EXOC6B: variants seen among roughly 807,000 people sequenced by gnomAD.
EXOC6B encodes SEC15 homolog B.
EXOC6B carries 54 observed loss-of-function variants against 113.5 expected under a neutral mutation model. That is an observed-to-expected ratio of 0.48 (90% CI 0.38 to 0.60). The LOEUF is 0.60. Among genes scored for constraint, EXOC6B ranks in the 20% least tolerant of loss-of-function variants. The probability of loss-of-function intolerance (pLI) is 0.00; values close to 1 mark genes in which losing one functional copy is unlikely to be tolerated. For missense variants in EXOC6B, 797 were observed against 977.5 expected (o/e 0.82, Z 2.46); for synonymous variants, 357 against 339.0 (o/e 1.05, Z -0.58).
chr2:72,752,874 C>T (rs1396352165), intron 1 of EXOC6B, among the ~76,000 whole-genome samples: 1 of 152,068 alleles, frequency 6.6e-6, no homozygotes, highest in Non-Finnish European at 1.5e-5. Flanking sequence ...TTCTATTACA[C>T]TCCTTCTTGG....
chr2:72,187,303 C>T (rs191379580), intron 20 of EXOC6B, among the ~76,000 whole-genome samples: 1 of 152,142 alleles, frequency 6.6e-6, no homozygotes, highest in East Asian at 2.0e-4. Flanking sequence ...CTCTCCTTCT[C>T]TTCACCCATA....
chr2:72,352,248 C>A (rs1254245453), intron 19 of EXOC6B, among the ~76,000 whole-genome samples: 2 of 152,098 alleles, frequency 1.3e-5, no homozygotes, highest in Admixed American at 1.3e-4. Context: ...CCACTAGTGA[C>A]CCTACCATAC....
At chr2:72,517,948 A>G (rs1327413941) in intron 8 of EXOC6B, among the ~76,000 whole-genome samples, 2 of 152,182 alleles carry the variant, frequency 1.3e-5, no homozygotes, top group Non-Finnish European at 2.9e-5. Context: ...CAATTTATCT[A>G]ATAGGTCTGG....
chr2:72,507,818 C>A (rs1012893536), intron 11 of EXOC6B, among the ~76,000 whole-genome samples: 4 of 151,928 alleles, frequency 2.6e-5, no homozygotes, highest in Non-Finnish European at 5.9e-5. Context: ...AATCAGCACA[C>A]TTGAAAAGTG....
At chr2:72,299,178 C>A (rs569060461) in intron 20 of EXOC6B, among the ~76,000 whole-genome samples, 1 of 151,778 alleles carries the variant, frequency 6.6e-6, no homozygotes, top group African/African-American at 2.4e-5. Context: ...AGGCTTTGTT[C>A]ATTTCTTTTC....
intron 11 of EXOC6B, among the ~76,000 whole-genome samples, chr2:72,501,558 C>T (rs980606328): frequency 4.6e-5 from 7 of 151,966 alleles, no homozygotes; most frequent in East Asian, 1.9e-4. Context: ...CTGACATTTA[C>T]GAACCTAGTA....
At chr2:72,244,930 C>G (rs1682556322) in intron 20 of EXOC6B, among the ~76,000 whole-genome samples, 1 of 151,980 alleles carries the variant, frequency 6.6e-6, no homozygotes, top group Non-Finnish European at 1.5e-5. Flanking sequence ...TATAAATTAA[C>G]AAAACGTACA....
intron 18 of EXOC6B, among the ~76,000 whole-genome samples, chr2:72,390,009 T>A (rs1692270894): frequency 6.6e-6 from 1 of 152,048 alleles, no homozygotes. Context: ...TGCTTGAACC[T>A]GGGAGGTGGA....
chr2:72,410,802 C>G (rs546266779), intron 18 of EXOC6B, among the ~76,000 whole-genome samples: 2 of 152,024 alleles, frequency 1.3e-5, no homozygotes, highest in Admixed American at 6.6e-5. Flanking sequence ...TTTATACCTA[C>G]TTTATACACA....
At chr2:72,760,998 G>A (rs895117482) in intron 1 of EXOC6B, among the ~76,000 whole-genome samples, 2 of 152,036 alleles carry the variant, frequency 1.3e-5, no homozygotes, top group Admixed American at 6.6e-5. Flanking sequence ...TGGCCAACAC[G>A]GCGAAACCCC....
chr2:72,244,787 C>A (rs780795756), intron 20 of EXOC6B, among the ~76,000 whole-genome samples: 1 of 151,862 alleles, frequency 6.6e-6, no homozygotes, highest in African/African-American at 2.4e-5. Flanking sequence ...GCAACTATAG[C>A]GAGGGTGCAG....
At chr2:72,657,567 C>CTTTTTTTTTTTTTTTTTTTTT (rs70963136) in intron 6 of EXOC6B, among the ~76,000 whole-genome samples, 1 of 50,378 alleles carries the variant, frequency 2.0e-5, no homozygotes, top group Non-Finnish European at 3.2e-5. Context: ...CTTTCCTTTT[C>CTTTTTTTTTTTTTTTTTTTTT]TTTTTTTTTT....
chr2:72,747,449 C>CA (rs1056455431), intron 1 of EXOC6B, among the ~76,000 whole-genome samples: 4 of 151,824 alleles, frequency 2.6e-5, no homozygotes, highest in Non-Finnish European at 5.9e-5. Context: ...AGATATTGCC[C>CA]AAAAAATCTT....
chr2:72,823,342 TAAC>T (rs1686684465), intron 1 of EXOC6B, among the ~76,000 whole-genome samples: 1 of 148,758 alleles, frequency 6.7e-6, no homozygotes, highest in Non-Finnish European at 1.5e-5. Flanking sequence ...AAAAACTCAG[TAAC>T]AACAATGAAA....
rs1573746268 is a variant in EXOC6B, at chr2:72,756,657, T to G, written c.114-15188A>C. Among the ~76,000 whole-genome samples the G allele has an allele frequency of 3.3e-5, 5 of 152,302 alleles. No homozygotes were observed. The East Asian group carries it at 7.7e-4, about 23-fold the overall frequency. On this transcript the variant is annotated intron_variant, in intron 1 of 21. Transcript: ENST00000272427. ...TACGTGCCAAATCCTGTTAAACATT[T>G]TATATTCACTAACTCACTTATTCCC...
At chr2:72,705,124 T>C (rs1392063539) in intron 6 of EXOC6B, among the ~76,000 whole-genome samples, 1 of 151,230 alleles carries the variant, frequency 6.6e-6, no homozygotes, top group African/African-American at 2.4e-5. Context: ...AAAAAGCTTA[T>C]CCACCATGAT....
chr2:72,370,536 C>CGGA (rs1430633098), intron 19 of EXOC6B, among the ~76,000 whole-genome samples: 1 of 152,176 alleles, frequency 6.6e-6, no homozygotes, highest in Non-Finnish European at 1.5e-5. Context: ...GAATATAAAT[C>CGGA]ATGCTGCTAT....
At chr2:72,262,349 G>C (rs1039473493) in intron 20 of EXOC6B, among the ~76,000 whole-genome samples, 4 of 151,914 alleles carry the variant, frequency 2.6e-5, no homozygotes, top group African/African-American at 9.7e-5. Flanking sequence ...CTTTGTTTAA[G>C]AGGCCCAATA....
intron 20 of EXOC6B, among the ~76,000 whole-genome samples, chr2:72,304,838 A>G (rs972367653): frequency 5.3e-5 from 8 of 152,232 alleles, no homozygotes; most frequent in African/African-American, 1.7e-4. Context: ...CCCCTAGACA[A>G]TAAGCAGCAA....
Sources: allele counts gnomAD v4.1 joint callset (sites outside exome capture counted in the v4.1 genomes callset), GRCh38; gene constraint gnomAD v4.1.1; transcripts MANE v1.5; gene names NCBI Gene and HGNC (gene_info 2026-07-23, HGNC 2026-07-21).